Variants in RNF19A observed in about 807,000 individuals in gnomAD.
The protein encoded by RNF19A is E3 ubiquitin-protein ligase RNF19A.
A neutral mutation model predicts 75.7 loss-of-function variants in RNF19A; 32 were observed. That is an observed-to-expected ratio of 0.42 (90% CI 0.32 to 0.57). RNF19A has a LOEUF of 0.57. Among genes scored for constraint, RNF19A ranks in the 20% least tolerant of loss-of-function variants. The probability of loss-of-function intolerance (pLI) is 0.10; values close to 1 mark genes in which losing one functional copy is unlikely to be tolerated. For synonymous variants in RNF19A, 335 were observed against 345.2 expected, an observed-to-expected ratio of 0.97 and a Z score of 0.33; for missense variants, 782 against 1,036.3, an observed-to-expected ratio of 0.75 and a Z score of 3.37.
At chr8:100,298,234 G>A (rs994497148) in intron 1 of RNF19A, among the ~76,000 whole-genome samples, 10 of 150,652 alleles carry the variant, frequency 6.6e-5, no homozygotes, top group Non-Finnish European at 1.3e-4. Flanking sequence ...CATTAGGTTA[G>A]AAATAAAAAC....
In RNF19A at chr8:100,330,561, A is replaced by G. The variant is rs373484394; in HGVS notation, c.-243+5547T>C. On this transcript the variant is annotated intron_variant, in intron 1 of 3. Coordinates refer to the RNF19A transcript ENST00000519527. This position sits in a 1 kb window ranked among gnomAD's most constrained non-coding sequence, Gnocchi z 4.1. ...GCAAAGCTGGAGTTGCCAGAAGCCA[A>G]CATGTGGAAAGAGTCTGCAAGAGAA... 1.9e-4 allele frequency among the ~76,000 whole-genome samples: 29 copies of G among 152,246 alleles called. No individual in the cohort carries two copies. Among genetic ancestry groups the G allele is most frequent in the Non-Finnish European group, 3.4e-4 (23 of 68,052 alleles).
rs965632347 is a variant in RNF19A at position 100,329,729 on chromosome 8, A to G, written c.-243+6379T>C. Among the ~76,000 whole-genome samples the G allele has an allele frequency of 6.6e-6, 1 of 152,216 alleles. No individual in the cohort carries two copies. Among genetic ancestry groups the G allele is most frequent in the Non-Finnish European group, 1.5e-5 (1 of 68,028 alleles). ...GAGAGAAAAGACTAGAGCAGAAATG[A>G]AGTGTCTTCCAACACTTAAAGGATC... On this transcript the variant is annotated intron_variant, in intron 1 of 3. Coordinates refer to the RNF19A transcript ENST00000519527. The surrounding 1 kb of genome is among the most constrained non-coding windows in gnomAD (Gnocchi z 4.3).
At chr8:100,272,936 T>C (rs1586616867) in intron 3 of RNF19A, among the ~76,000 whole-genome samples, 1 of 152,162 alleles carries the variant, frequency 6.6e-6, no homozygotes, top group East Asian at 1.9e-4. Context: ...CACAATCATA[T>C]TTCATTGCAG....
chr8:100,257,195 G>C lies in RNF19A; in HGVS notation c.*1361C>G, dbSNP rs1819497311. 6.6e-6 allele frequency: 1 copy of C among 152,582 alleles called. No individual in the cohort carries two copies. Among genetic ancestry groups the C allele is most frequent in the South Asian group, 2.1e-4 (1 of 4,828 alleles). The allele number at this position is 152,582 out of a possible 1,614,324, so 9.5% of individuals were successfully genotyped here. On this transcript the variant is annotated 3_prime_UTR_variant, in exon 10 of 10. Transcript: ENST00000341084. Reference sequence around the variant, plus strand: ...AAAATAACTGGCACTAGTGTTATAAGCATATTAATGGACCTGGTAGGGAAA... The same window carrying C: ...AAAATAACTGGCACTAGTGTTATAACCATATTAATGGACCTGGTAGGGAAA...
rs911084434 is a variant in RNF19A, at chr8:100,317,585, C to G, written c.-242-4213G>C. 6.6e-6 allele frequency among the ~76,000 whole-genome samples: 1 copy of G among 152,198 alleles called. No individual in the cohort carries two copies. Among genetic ancestry groups the G allele is most frequent in the African/African-American group, 2.4e-5 (1 of 41,444 alleles). ...ACTGTTCCCATTTGCCTACTCCAGTCTTTCTTGGTTCCCTTCCCTGTTTGA... is the reference window on the plus strand; with the variant it reads ...ACTGTTCCCATTTGCCTACTCCAGTGTTTCTTGGTTCCCTTCCCTGTTTGA... On this transcript the variant is annotated intron_variant, in intron 1 of 3. Coordinates refer to the RNF19A transcript ENST00000519527. The surrounding 1 kb of genome is among the most constrained non-coding windows in gnomAD (Gnocchi z 4.3).
chr8:100,276,715 C>A (rs1333572191), intron 2 of RNF19A, among the ~76,000 whole-genome samples: 1 of 139,176 alleles, frequency 7.2e-6, no homozygotes, highest in Non-Finnish European at 1.5e-5. Flanking sequence ...AAGATCACAC[C>A]ACTGTACCAA....
At chr8:100,272,438 A>T (rs963531074) in intron 3 of RNF19A, among the ~76,000 whole-genome samples, 1 of 152,212 alleles carries the variant, frequency 6.6e-6, no homozygotes, top group African/African-American at 2.4e-5. Context: ...ATCATGATAC[A>T]GAAAACAATA....
chr8:100,292,487 G>A (rs1009236223), intron 1 of RNF19A, among the ~76,000 whole-genome samples: 14 of 150,252 alleles, frequency 9.3e-5, no homozygotes, highest in Admixed American at 7.9e-4. Context: ...AATTGTATTT[G>A]ACTATATGGC....
chr8:100,303,510 A>C (rs1240682236), intron 1 of RNF19A: 1 of 152,196 alleles, frequency 6.6e-6, no homozygotes, highest in Non-Finnish European at 1.5e-5. Context: ...ACATGAACAT[A>C]TCTTTTGTGG....
rs1408411973 is a variant in RNF19A at position 100,322,843 on chromosome 8, A to AACAC, written c.-242-9475_-242-9472dup. On this transcript the variant is annotated intron_variant, in intron 1 of 3. Coordinates refer to the RNF19A transcript ENST00000519527. The surrounding 1 kb of genome is among the most constrained non-coding windows in gnomAD (Gnocchi z 5.1). ...AATGGCTGGTCAGTGGAGTAGTCAG[A>AACAC]ACACACACACACATTTATTAAGTTC... Among the ~76,000 whole-genome samples, 1 of 152,140 alleles carries AACAC rather than the reference A, an allele frequency of 6.6e-6. No homozygotes were observed. The highest frequency in any genetic ancestry group is 6.5e-5 in the Admixed American group (1 of 15,274).
intron 1 of RNF19A, among the ~76,000 whole-genome samples, chr8:100,318,628 C>T (rs1286491936): frequency 6.6e-6 from 1 of 152,224 alleles, no homozygotes; most frequent in Admixed American, 6.5e-5. Context: ...CATTCCTCAA[C>T]TACATTATTA....
At chr8:100,292,403 T>A (rs959174790) in intron 1 of RNF19A, among the ~76,000 whole-genome samples, 1 of 150,804 alleles carries the variant, frequency 6.6e-6, no homozygotes, top group Non-Finnish European at 1.5e-5. Context: ...TAAGACATAG[T>A]TCTATTTAAT....
rs1822598847 is a variant in RNF19A, at chr8:100,330,786, C to T, written c.-243+5322G>A. ...GTTTCTAACTTCTCTCCTTCTCTCT[C>T]CTTCCCATGGCTTCTAAGGCCCAAG... On this transcript the variant is annotated intron_variant, in intron 1 of 3. Coordinates refer to the RNF19A transcript ENST00000519527. This position sits in a 1 kb window ranked among gnomAD's most constrained non-coding sequence, Gnocchi z 4.1. Among the ~76,000 whole-genome samples, 1 of 152,226 alleles carries T rather than the reference C, an allele frequency of 6.6e-6. No homozygotes were observed. Among genetic ancestry groups the T allele is most frequent in the Non-Finnish European group, 1.5e-5 (1 of 68,034 alleles).
Position 100,259,894 on chromosome 8 carries a change from T to C in RNF19A, c.1786A>G (p.Met596Val), listed in dbSNP as rs1819633113. 3 of 1,613,874 alleles carry C rather than the reference T, an allele frequency of 1.9e-6. No homozygotes were observed. Among genetic ancestry groups the C allele is most frequent in the African/African-American group, 1.3e-5 (1 of 75,034 alleles). The change falls in exon 9 of 10, where the codon ATG becomes GTG. Residue 596 changes from methionine (M) to valine (V), a missense_variant. By Grantham distance (21) the Met-to-Val change is conservative. Transcript: ENST00000341084. The surrounding 1 kb of genome is among the most constrained non-coding windows in gnomAD (Gnocchi z 4.5). ...TAGGAATTCAGAATGGATCCTGCCA[T>C]TGCTTTGGTGCTGGCATTATCACTA... Reference protein sequence around the residue: ...TVSDNASTKAMAGSILNSYIP... With the variant: ...TVSDNASTKAVAGSILNSYIP...
intron 3 of RNF19A, among the ~76,000 whole-genome samples, chr8:100,270,779 A>G (rs1230714398): frequency 2.6e-5 from 4 of 152,114 alleles, no homozygotes; most frequent in Non-Finnish European, 5.9e-5. Context: ...TATCCTTTTT[A>G]TTCATTTATT....
upstream of RNF19A, among the ~76,000 whole-genome samples, chr8:100,312,612 A>G (rs1243122318): frequency 6.6e-6 from 1 of 151,702 alleles, no homozygotes; most frequent in Non-Finnish European, 1.5e-5. Flanking sequence ...GAAAGAAGGG[A>G]AGGAGGGAGG....
At chr8:100,267,107 T>C (rs1443650333) in intron 5 of RNF19A, among the ~76,000 whole-genome samples, 1 of 152,182 alleles carries the variant, frequency 6.6e-6, no homozygotes, top group East Asian at 1.9e-4. Flanking sequence ...TACAACAGAA[T>C]GGATTGCTTC....
intron 2 of RNF19A, among the ~76,000 whole-genome samples, chr8:100,277,468 C>G (rs1278178337): frequency 6.6e-6 from 1 of 152,094 alleles, no homozygotes; most frequent in Admixed American, 6.5e-5. Flanking sequence ...CCCACTACCA[C>G]GCCCAGCTAA....
chr8:100,271,155 CTT>C (rs76372478), intron 3 of RNF19A, among the ~76,000 whole-genome samples: 86 of 131,098 alleles, frequency 6.6e-4, no homozygotes, highest in Non-Finnish European at 6.5e-4. Context: ...ACCAAAGATG[CTT>C]TTTTTTTTTT....
Sources: gnomAD v4.1 joint callset for allele counts (sites outside exome capture counted in the v4.1 genomes callset) on GRCh38, gnomAD v4.1.1 for gene constraint, Gnocchi (gnomAD v3.1) non-coding constraint, MANE v1.5 for transcripts, NCBI Gene and HGNC (gene_info 2026-07-23, HGNC 2026-07-21) for gene names.